TLR8: variants seen among roughly 807,000 people sequenced by gnomAD.
TLR8 encodes toll-like receptor 8.
A neutral mutation model predicts 18.5 loss-of-function variants in TLR8; 5 were observed. The observed-to-expected ratio is 0.27, with a 90% CI of 0.14 to 0.57. The LOEUF is 0.57. TLR8 is among the 20% of genes least tolerant of loss of function. TLR8 has a pLI of 0.92. For synonymous variants in TLR8, 299 were observed against 300.1 expected (o/e 1.00, Z 0.04); for missense variants, 543 against 769.8 (o/e 0.71, Z 3.49).
Position 12,920,404 on chromosome X carries a change from G to A in TLR8, c.1364G>A (p.Arg455His), listed in dbSNP as rs765860609. ...SSFQRHIRKR[R>H]STDFEFDPHS... ...TTTCAACGTCATATCCGGAAACGAC[G>A]CTCAACAGATTTTGAGTTTGACCCA... The change falls in exon 2 of 2, where the codon CGC becomes CAC. Residue 455 changes from arginine (R) to histidine (H), a missense_variant. Arg to His is a conservative substitution (Grantham distance 29). This residue lies in a region of TLR8 where 185 missense variants were observed against 298.9 expected (regional missense o/e 0.62). Transcript: ENST00000218032. The A allele has an allele frequency of 5.0e-6, 6 of 1,208,119 alleles. No individual in the cohort carries two copies. The highest frequency in any genetic ancestry group is 3.0e-5 in the East Asian group (1 of 33,786).
chrX:12,922,271 T>C lies in TLR8; in HGVS notation c.*105T>C. 1 of 1,033,633 alleles carries C rather than the reference T, an allele frequency of 9.7e-7. No homozygotes were observed. The highest frequency in any genetic ancestry group is 1.3e-6 in the Non-Finnish European group (1 of 775,978). 85.2% of individuals were successfully genotyped at this position (1,033,633 alleles called of 1,213,427 possible). ...AACAAATTATCCCAAAACTTAGTGG[T>C]TTAAAACAACACATTTGCTGGCCCA... On this transcript the variant is annotated 3_prime_UTR_variant, in exon 2 of 2. Transcript: ENST00000218032.
chrX:12,910,411 G>T (rs1279702765), intron 1 of TLR8: 3 of 1,167,658 alleles, frequency 2.6e-6, no homozygotes, highest in Non-Finnish European at 1.1e-6. Flanking sequence ...TTGCAAAATA[G>T]CTCCTGCAGC....
At chrX:12,918,334 G>T (rs1366764715) in intron 1 of TLR8, among the ~76,000 whole-genome samples, 1 of 111,410 alleles carries the variant, frequency 9.0e-6, no homozygotes, top group East Asian at 2.8e-4. Context: ...CTTGGGGACT[G>T]GCCAAAGTTT....
At position 12,920,024 on chromosome X, in the gene TLR8, C is replaced by T. The variant is rs1306950306; in HGVS notation, c.984C>T (p.Ala328=). The change falls in exon 2 of 2, where the codon GCC becomes GCT. Residue 328 remains alanine (A), a synonymous_variant. Coordinates refer to ENST00000218032, the MANE Select transcript of TLR8 (RefSeq NM_138636.5). The part of the protein sequence containing the change: ...LEFNYLVGEI[A]SGAFLTMLPR... ...TCAACTATTTAGTGGGAGAAATAGC[C>T]TCTGGGGCATTTTTAACGATGCTGC... is the stretch of plus-strand genomic sequence containing the variant. The T allele has an allele frequency of 8.3e-7, 1 of 1,211,579 alleles. No individual in the cohort carries two copies. Among genetic ancestry groups the T allele is most frequent in the South Asian group, 1.8e-5 (1 of 56,999 alleles).
At chrX:12,918,872 A>G (rs1164517802) in intron 1 of TLR8, among the ~76,000 whole-genome samples, 172 bp from the exon 2 acceptor site, 3 of 111,992 alleles carry the variant, frequency 2.7e-5, no homozygotes, top group Non-Finnish European at 5.6e-5. Context: ...AGCTGAACAT[A>G]GTAAAAAAGT....
rs1357870264 is a variant in TLR8, at chrX:12,920,129, C to T, written c.1089C>T (p.Phe363=). 3 of 1,210,737 alleles carry T rather than the reference C, an allele frequency of 2.5e-6. No individual in the cohort carries two copies. Among genetic ancestry groups the T allele is most frequent in the Non-Finnish European group, 2.2e-6 (2 of 895,098 alleles). The part of the protein sequence containing the change: ...YPQHINISRN[F]SKLLSLRALH... The stretch of plus-strand genomic sequence containing the variant: ...AGCATATTAATATTTCCAGAAACTT[C>T]TCTAAACTTTTGTCTCTACGGGCAT... Residue 363 remains phenylalanine, a synonymous_variant, in exon 2 of 2, where the codon TTC becomes TTT. Transcript: ENST00000218032.
chrX:12,918,269 T>C (rs1204758398), intron 1 of TLR8, among the ~76,000 whole-genome samples: 1 of 111,787 alleles, frequency 8.9e-6, no homozygotes, highest in Non-Finnish European at 1.9e-5. Flanking sequence ...AAGGTAAAGA[T>C]GACTGCCTAG....
At position 12,910,935 on chromosome X, in the gene TLR8, T is replaced by C. The variant is rs781197396; in HGVS notation, c.3+4226T>C. Among the ~76,000 whole-genome samples, 13 of 111,252 alleles carry C rather than the reference T, an allele frequency of 1.2e-4. No individual in the cohort carries two copies. In the South Asian group the frequency reaches 1.5e-3, roughly 13 times the overall value. On this transcript the variant is annotated intron_variant, in intron 1 of 1. Transcript: ENST00000218032. ...TGTATTTGGCAGGGAGAGGAGAAGT[T>C]GGGCACATTTTTTTTTCTTTTTTTT...
chrX:12,921,307 T>C lies in TLR8; in HGVS notation c.2267T>C (p.Leu756Pro), dbSNP rs777230184. 8.3e-7 allele frequency: 1 copy of C among 1,211,664 alleles called. No homozygotes were observed. Among genetic ancestry groups the C allele is most frequent in the Non-Finnish European group, 1.1e-6 (1 of 895,516 alleles). ...NLLKTINKSA[L>P]ETKTTTKLSM... ...CTAAAAACAATCAACAAATCCGCAC[T>C]TGAAACTAAGACCACCACCAAATTA... is the stretch of plus-strand genomic sequence containing the variant. Residue 756 changes from leucine to proline, a missense_variant, in exon 2 of 2, where the codon CTT (leucine) becomes CCT (proline). Around this residue, in one of 4 missense-constraint regions of TLR8, gnomAD observed 227 missense variants for 312.9 expected, o/e 0.73. Transcript: ENST00000218032.
intron 1 of TLR8, among the ~76,000 whole-genome samples, chrX:12,915,880 CT>C (rs113733877): frequency 2.9e-4 from 30 of 104,567 alleles, no homozygotes; most frequent in African/African-American, 4.2e-4. Flanking sequence ...GGTTTCACTC[CT>C]TTTTTTTTTT....
chrX:12,919,145 T>C lies in TLR8; in HGVS notation c.105T>C (p.Pro35=), dbSNP rs765270552. Residue 35 remains proline (P), a synonymous_variant, in exon 2 of 2, where the codon CCT becomes CCC. Transcript: ENST00000218032. ...CAEENFSRSY[P]CDEKKQNDSV... is the part of the protein sequence containing the mutation. The stretch of plus-strand genomic sequence containing the variant: ...AAGAAAATTTTTCTAGAAGCTATCC[T>C]TGTGATGAGAAAAAGCAAAATGACT... 5 of 1,210,513 alleles carry C rather than the reference T, an allele frequency of 4.1e-6. No individual in the cohort carries two copies. In the East Asian group the frequency reaches 8.9e-5, roughly 21 times the overall value.
At chrX:12,908,864 C>G (rs2043002255) in intron 1 of TLR8, among the ~76,000 whole-genome samples, 2 of 112,066 alleles carry the variant, frequency 1.8e-5, no homozygotes, top group Admixed American at 9.4e-5. Flanking sequence ...GTTCATTCTC[C>G]TCTTTCAATC....
rs751205662 is a variant in TLR8, at chrX:12,919,891, A to G, written c.851A>G (p.Gln284Arg). The G allele has an allele frequency of 3.3e-6, 4 of 1,211,541 alleles. No homozygotes were observed. The highest frequency in any genetic ancestry group is 4.5e-6 in the Non-Finnish European group (4 of 895,437). The stretch of plus-strand genomic sequence containing the variant: ...ATTAATATAGATCGTTTTGCTTTTC[A>G]AAACTTGACCCAACTTCGATACCTA... ...ASINIDRFAF[Q>R]NLTQLRYLNL... Residue 284 changes from glutamine (Q) to arginine (R), a missense_variant, in exon 2 of 2, where the codon CAA becomes CGA. By Grantham distance (43) the Gln-to-Arg change is conservative. Around this residue, in one of 4 missense-constraint regions of TLR8, gnomAD observed 185 missense variants for 298.9 expected, o/e 0.62. Transcript: ENST00000218032.
chrX:12,921,954 A>G lies in TLR8; in HGVS notation c.2914A>G (p.Met972Val). Residue 972 changes from methionine to valine, a missense_variant, in exon 2 of 2, where the codon ATG becomes GTG. Physicochemically the swap from Met to Val is conservative, Grantham distance 21. Transcript: ENST00000218032. ...TTTGCAGAGGCTAATGGATGAGAAC[A>G]TGGATGTGATTATATTTATCCTGCT... ...LALQRLMDEN[M>V]DVIIFILLEP... is the part of the protein sequence containing the mutation. 1 of 1,211,293 alleles carries G rather than the reference A, an allele frequency of 8.3e-7. No individual in the cohort carries two copies. The highest frequency in any genetic ancestry group is 1.1e-6 in the Non-Finnish European group (1 of 895,239).
At position 12,919,394 on chromosome X, in the gene TLR8, C is replaced by T. The variant is rs2159377; in HGVS notation, c.354C>T (p.Asp118=). The T allele has an allele frequency of 0.21, 256,408 of 1,208,912 alleles. 22,885 individuals are homozygous for T. The highest frequency in any genetic ancestry group is 0.75 in the East Asian group (25,223 of 33,702). The change falls in exon 2 of 2, where the codon GAC becomes GAT. Residue 118 remains aspartate, a synonymous_variant. Coordinates refer to ENST00000218032, the MANE Select transcript of TLR8 (RefSeq NM_138636.5). ...AATCAAATGGCTTGAATATCACAGA[C>T]GGGGCATTCCTCAACCTAAAAAACC... ...GIQSNGLNIT[D]GAFLNLKNLR... is the part of the protein sequence containing the mutation.
intron 1 of TLR8, among the ~76,000 whole-genome samples, chrX:12,916,282 C>T (rs1054285868): frequency 1.8e-5 from 2 of 111,811 alleles, no homozygotes; most frequent in African/African-American, 6.5e-5. Context: ...TCTGTTGTAC[C>T]CATGAGACTG....
chrX:12,910,409 T>C (rs2043012812), intron 1 of TLR8: 2 of 1,166,158 alleles, frequency 1.7e-6, no homozygotes, highest in South Asian at 1.9e-5. Flanking sequence ...CTTTGCAAAA[T>C]AGCTCCTGCA....
chrX:12,919,816 G>A lies in TLR8; in HGVS notation c.776G>A (p.Arg259Lys). The change falls in exon 2 of 2, where the codon AGG becomes AAG. Residue 259 changes from arginine (R) to lysine (K), a missense_variant. Arg to Lys is a conservative substitution (Grantham distance 26). This residue lies in a region of TLR8 where 185 missense variants were observed against 298.9 expected (regional missense o/e 0.62). Coordinates refer to ENST00000218032, the MANE Select transcript of TLR8 (RefSeq NM_138636.5). ...TLLDLSGNCP[R>K]CFNAPFPCVP... ...CTAGATTTAAGCGGGAACTGTCCGA[G>A]GTGCTTCAATGCCCCATTTCCATGC... 8.3e-7 allele frequency: 1 copy of A among 1,210,843 alleles called. No individual in the cohort carries two copies. Among genetic ancestry groups the A allele is most frequent in the East Asian group, 3.0e-5 (1 of 33,848 alleles).
Position 12,919,373 on chromosome X carries a change from A to G in TLR8, c.333A>G (p.Ser111=), listed in dbSNP as rs576185229. The G allele has an allele frequency of 6.0e-5, 73 of 1,210,064 alleles. No individual in the cohort carries two copies. In the South Asian group the frequency reaches 1.3e-3, roughly 21 times the overall value. ...QHQNGNPGIQ[S]NGLNITDGAF... ...AGAACGGAAATCCCGGTATACAATCAAATGGCTTGAATATCACAGACGGGG... is the reference window on the plus strand; with the variant it reads ...AGAACGGAAATCCCGGTATACAATCGAATGGCTTGAATATCACAGACGGGG... The change falls in exon 2 of 2, where the codon TCA becomes TCG. Residue 111 remains serine, a synonymous_variant. Transcript: ENST00000218032.
Sources: allele counts gnomAD v4.1 joint callset (sites outside exome capture counted in the v4.1 genomes callset), GRCh38; gene constraint gnomAD v4.1.1; regional missense constraint gnomAD v4.1.1; transcripts MANE v1.5; gene names NCBI Gene and HGNC (gene_info 2026-07-23, HGNC 2026-07-21).